The following TMEM272 variants were observed in gnomAD, a reference collection of about 807,000 sequenced individuals.
TMEM272 encodes transmembrane protein 272, also known as long intergenic non-protein coding RNA 282.
Under a neutral mutation model 3.7 loss-of-function variants are expected in TMEM272, and 8 were observed. The observed-to-expected ratio is 2.17, with a 90% confidence interval of 1.27 to 3.91. The LOEUF is 3.91. Ranked by LOEUF, TMEM272 falls within the 30% of genes most tolerant of loss-of-function variation. The pLI, the probability that TMEM272 is intolerant of heterozygous loss-of-function variation, is 0.00. For missense variants in TMEM272, 166 were observed against 91.5 expected (o/e 1.81, Z -3.32); for synonymous variants, 63 against 39.8 (o/e 1.58, Z -2.20).
chr13:51,843,421 C>T (rs753118400), intron 1 of TMEM272, among the ~76,000 whole-genome samples: 6 of 152,134 alleles, frequency 3.9e-5, no homozygotes, highest in South Asian at 2.1e-4. Flanking sequence ...CCCTTTGAAG[C>T]GGCAGCTCTT....
At chr13:51,930,653 T>A in the TMEM272 span, 8 of 151,290 alleles carry the variant, frequency 5.3e-5, no homozygotes, top group African/African-American at 1.9e-4. Context: ...AAAACAAAGA[T>A]GCAATTAAGA....
the TMEM272 span, among the ~76,000 whole-genome samples, chr13:51,897,850 C>T: frequency 7.1e-6 from 1 of 140,790 alleles, no homozygotes; most frequent in Non-Finnish European, 1.5e-5. Flanking sequence ...TCACTTGAAC[C>T]CAGGAGGCGG....
chr13:51,910,990 A>T, the TMEM272 span, among the ~76,000 whole-genome samples: 2 of 152,232 alleles, frequency 1.3e-5, no homozygotes, highest in Non-Finnish European at 2.9e-5. Flanking sequence ...GGCCAGCAGA[A>T]GAAACTCCCA....
chr13:51,843,806 C>T (rs1182540806), intron 1 of TMEM272, among the ~76,000 whole-genome samples: 8 of 152,210 alleles, frequency 5.3e-5, no homozygotes, highest in Admixed American at 3.9e-4. Context: ...GCTTCCTCTC[C>T]TAGCAGCTGA....
At chr13:51,839,541 G>A (rs149948262) in intron 1 of TMEM272, among the ~76,000 whole-genome samples, 62 of 152,274 alleles carry the variant, frequency 4.1e-4, no homozygotes, top group African/African-American at 1.5e-3. Flanking sequence ...TTAAAAGCAC[G>A]ATTTAACAAG....
At chr13:51,927,967 G>A in the TMEM272 span, among the ~76,000 whole-genome samples, 4 of 152,102 alleles carry the variant, frequency 2.6e-5, no homozygotes, top group Non-Finnish European at 2.9e-5. Flanking sequence ...GGGTACAGTC[G>A]GGTTTTGAAC....
chr13:51,881,727 G>A, the TMEM272 span, among the ~76,000 whole-genome samples: 1 of 152,106 alleles, frequency 6.6e-6, no homozygotes, highest in Non-Finnish European at 1.5e-5. Context: ...ACCATGTGAG[G>A]GGGCAGCAAG....
chr13:51,819,116 G>T (rs2139547695), intron 4 of TMEM272, among the ~76,000 whole-genome samples: 1 of 152,332 alleles, frequency 6.6e-6, no homozygotes, highest in Non-Finnish European at 1.5e-5. Context: ...CCACAGTAGA[G>T]CTGACTCATC....
the TMEM272 span, chr13:51,930,561 T>C: frequency 6.6e-6 from 1 of 152,166 alleles, no homozygotes; most frequent in Non-Finnish European, 1.5e-5. Context: ...CACATCAAGG[T>C]AATCTGCAAA....
chr13:51,818,014 C>T (rs951823169), intron 4 of TMEM272, among the ~76,000 whole-genome samples: 43 of 152,186 alleles, frequency 2.8e-4, no homozygotes, highest in Admixed American at 5.9e-4. Flanking sequence ...TAACAGCTCC[C>T]CGTCTTCTCT....
the TMEM272 span, among the ~76,000 whole-genome samples, chr13:51,892,191 G>C: frequency 1.4e-4 from 21 of 152,176 alleles, no homozygotes; most frequent in Non-Finnish European, 8.8e-5. Flanking sequence ...ACTAGTCTCT[G>C]CCCCTCAGGG....
chr13:51,924,673 G>A, the TMEM272 span, among the ~76,000 whole-genome samples: 2 of 152,068 alleles, frequency 1.3e-5, no homozygotes, highest in African/African-American at 4.8e-5. Context: ...CCTGAATTCT[G>A]CCTGTCTCCA....
chr13:51,908,891 A>G, the TMEM272 span: 23 of 1,417,234 alleles, frequency 1.6e-5, no homozygotes, highest in Non-Finnish European at 2.3e-5. Flanking sequence ...CAGTAAACCT[A>G]TCACAGCTTG....
the TMEM272 span, among the ~76,000 whole-genome samples, chr13:51,901,946 C>A: frequency 1.3e-5 from 2 of 152,200 alleles, no homozygotes; most frequent in Non-Finnish European, 2.9e-5. Context: ...CTCACTCTGT[C>A]ATCCAAGCTC....
chr13:51,867,683 C>T, the TMEM272 span, among the ~76,000 whole-genome samples: 2 of 152,136 alleles, frequency 1.3e-5, no homozygotes, highest in African/African-American at 4.8e-5. Flanking sequence ...CTCTGATTCT[C>T]AGAGGAAGCA....
the TMEM272 span, among the ~76,000 whole-genome samples, chr13:51,893,831 AT>A: frequency 2.6e-5 from 4 of 152,212 alleles, no homozygotes; most frequent in Non-Finnish European, 5.9e-5. Context: ...TGTAAAAATA[AT>A]TCCAAAAGCT....
the TMEM272 span, among the ~76,000 whole-genome samples, chr13:51,871,261 G>T: frequency 6.6e-6 from 1 of 151,246 alleles, no homozygotes; most frequent in African/African-American, 2.4e-5. Context: ...CGCAATCTCG[G>T]CTCACTGCAA....
At chr13:51,921,544 CT>C in the TMEM272 span, 1 of 152,374 alleles carries the variant, frequency 6.6e-6, no homozygotes, top group South Asian at 2.1e-4. Context: ...TGGGGCACCC[CT>C]GGGGGCTGTG....
At chr13:51,846,471 C>T (rs1307764511), upstream of TMEM272, among the ~76,000 whole-genome samples, 1 of 152,168 alleles carries the variant, frequency 6.6e-6, no homozygotes, top group Non-Finnish European at 1.5e-5. Context: ...CAATTATGTA[C>T]AGCACATGAT....
Sources: gnomAD v4.1 joint callset for allele counts (sites outside exome capture counted in the v4.1 genomes callset) on GRCh38, gnomAD v4.1.1 for gene constraint, MANE v1.5 for transcripts, NCBI Gene and HGNC (gene_info 2026-07-23, HGNC 2026-07-21) for gene names.